The following WDR41 variants were observed in gnomAD, a reference collection of about 807,000 sequenced individuals.
WDR41 encodes WD repeat-containing protein 41.
A neutral mutation model predicts 69.3 loss-of-function variants in WDR41; 63 were observed. The observed-to-expected ratio is 0.91, with a 90% confidence interval of 0.74 to 1.12. WDR41 has a LOEUF of 1.12. Among genes scored for constraint, WDR41 ranks in the 50% most tolerant of loss-of-function variants. WDR41 has a pLI of 0.00. For missense variants in WDR41, 543 were observed against 534.5 expected (o/e 1.02, Z -0.16); for synonymous variants, 185 against 192.1 (o/e 0.96, Z 0.31).
At chr5:77,544,315 C>T (rs1561219978) in intron 1 of WDR41, among the ~76,000 whole-genome samples, 1 of 152,088 alleles carries the variant, frequency 6.6e-6, no homozygotes, top group Non-Finnish European at 1.5e-5. Flanking sequence ...AATGGTACCT[C>T]ACATCTCAAT....
intron 2 of WDR41, among the ~76,000 whole-genome samples, chr5:77,476,699 G>A (rs1030686324): frequency 6.6e-6 from 1 of 151,470 alleles, no homozygotes; most frequent in Non-Finnish European, 1.5e-5. Flanking sequence ...GGAACAACCA[G>A]TACCAGCTGC....
chr5:77,550,594 A>C (rs1275805071), intron 1 of WDR41, among the ~76,000 whole-genome samples: 2 of 152,216 alleles, frequency 1.3e-5, no homozygotes, highest in African/African-American at 4.8e-5. Context: ...AGATGCTGGC[A>C]AGCCTGTGGA....
chr5:77,616,011 A>AATT (rs1561241206), intron 1 of WDR41, among the ~76,000 whole-genome samples: 44 of 122,894 alleles, frequency 3.6e-4, no homozygotes, highest in African/African-American at 9.9e-4. Flanking sequence ...ATAAATAAAT[A>AATT]AATAAATTAA....
chr5:77,552,073 CTAGT>C (rs2112242734), intron 1 of WDR41, among the ~76,000 whole-genome samples: 1 of 144,176 alleles, frequency 6.9e-6, no homozygotes, highest in Admixed American at 6.9e-5. Flanking sequence ...AATCTCCTAA[CTAGT>C]AGGGGAAAAA....
At chr5:77,471,543 G>A (rs1800611289) in intron 2 of WDR41, among the ~76,000 whole-genome samples, 1 of 152,004 alleles carries the variant, frequency 6.6e-6, no homozygotes, top group Non-Finnish European at 1.5e-5. Flanking sequence ...GACTAATAAA[G>A]AAGAAAAGAG....
chr5:77,535,222 G>C (rs1005043327), intron 1 of WDR41, among the ~76,000 whole-genome samples: 1 of 152,090 alleles, frequency 6.6e-6, no homozygotes, highest in African/African-American at 2.4e-5. Flanking sequence ...CTGTGGAGAA[G>C]AACTGTAGCT....
intron 1 of WDR41, among the ~76,000 whole-genome samples, chr5:77,573,386 T>C (rs746769922): frequency 6.6e-6 from 1 of 152,192 alleles, no homozygotes; most frequent in Non-Finnish European, 1.5e-5. Flanking sequence ...TCTCTTAATA[T>C]AATTAGTTTC....
chr5:77,607,669 GA>G (rs1370030364), intron 1 of WDR41, among the ~76,000 whole-genome samples: 1 of 152,200 alleles, frequency 6.6e-6, no homozygotes, highest in Non-Finnish European at 1.5e-5. Flanking sequence ...GGATAATGAA[GA>G]GGGGGAAATA....
At chr5:77,469,304 A>G (rs1044816547) in intron 2 of WDR41, among the ~76,000 whole-genome samples, 5 of 152,182 alleles carry the variant, frequency 3.3e-5, no homozygotes, top group African/African-American at 1.2e-4. Flanking sequence ...TGATGAGTTA[A>G]TCGGTGCAGC....
intron 1 of WDR41, among the ~76,000 whole-genome samples, chr5:77,587,181 G>C (rs150669909): frequency 6.6e-6 from 1 of 151,588 alleles, no homozygotes; most frequent in Non-Finnish European, 1.5e-5. Context: ...ACTTATGCCT[G>C]CTCCTGAAGT....
chr5:77,471,009 T>C (rs529391528), intron 2 of WDR41, among the ~76,000 whole-genome samples: 2 of 152,338 alleles, frequency 1.3e-5, no homozygotes, highest in South Asian at 4.1e-4. Flanking sequence ...ATTTCAATAT[T>C]GACCACATAG....
rs193091858 is a variant in WDR41, at chr5:77,580,574, T to C, written c.42+39905A>G. Among the ~76,000 whole-genome samples, 985 of 147,298 alleles carry C rather than the reference T, an allele frequency of 6.7e-3. 13 individuals are homozygous for C. Among genetic ancestry groups the C allele is most frequent in the African/African-American group, 0.023 (916 of 39,474 alleles). On this transcript the variant is annotated intron_variant, in intron 1 of 5. Transcript: ENST00000509971. The stretch of plus-strand genomic sequence containing the variant: ...ATTACAAGAAAATATAGTGAAAAAA[T>C]CATGAAAGAAATGAAAATACTGCCT...
chr5:77,545,571 G>A, intron 1 of WDR41: 1 of 280,520 alleles, frequency 3.6e-6, no homozygotes, highest in Admixed American at 5.0e-5. Flanking sequence ...TCACCAAGCT[G>A]GGCCGTCTGG....
At chr5:77,449,949 T>C (rs1799558289) in intron 7 of WDR41, 79 bp from the exon 8 acceptor site, 1 of 985,358 alleles carries the variant, frequency 1.0e-6, no homozygotes, top group Non-Finnish European at 1.5e-6. Context: ...AAAACAAGCA[T>C]TTCATTAAGT....
At chr5:77,518,245 T>A (rs755544638) in intron 1 of WDR41, among the ~76,000 whole-genome samples, 8 of 152,174 alleles carry the variant, frequency 5.3e-5, no homozygotes, top group Admixed American at 1.3e-4. Flanking sequence ...TTGCATCTCA[T>A]AATGTAATAT....
chr5:77,515,787 T>C (rs1802282684), intron 1 of WDR41, among the ~76,000 whole-genome samples: 1 of 152,248 alleles, frequency 6.6e-6, no homozygotes, highest in Non-Finnish European at 1.5e-5. Flanking sequence ...TATAGGATTA[T>C]ATTTATTGAG....
chr5:77,558,589 C>G (rs1293345560), intron 1 of WDR41, among the ~76,000 whole-genome samples: 1 of 152,148 alleles, frequency 6.6e-6, no homozygotes, highest in Non-Finnish European at 1.5e-5. Flanking sequence ...CTGAAGTTTT[C>G]CATTTGTTTA....
intron 1 of WDR41, among the ~76,000 whole-genome samples, chr5:77,505,475 G>A (rs898011636): frequency 6.6e-6 from 1 of 152,122 alleles, no homozygotes; most frequent in Admixed American, 6.5e-5. Flanking sequence ...TAGATTCAGT[G>A]CCATCCCCAT....
chr5:77,614,651 T>TG (rs1193049469), intron 1 of WDR41, among the ~76,000 whole-genome samples: 172 of 9,420 alleles, frequency 0.018, no homozygotes, highest in African/African-American at 0.058. Context: ...TGTTGTGGGG[T>TG]GGGGGGGGAG....
Sources: gnomAD v4.1 joint callset for allele counts (sites outside exome capture counted in the v4.1 genomes callset) on GRCh38, gnomAD v4.1.1 for gene constraint, MANE v1.5 for transcripts, NCBI Gene and HGNC (gene_info 2026-07-23, HGNC 2026-07-21) for gene names.